The following GRIK4 variants were observed in gnomAD, a reference collection of about 807,000 sequenced individuals.
The protein encoded by GRIK4 is glutamate ionotropic receptor kainate type subunit 4, also known as glutamate receptor ionotropic, kainate 4.
A neutral mutation model predicts 104.9 loss-of-function variants in GRIK4; 40 were observed. That is an observed-to-expected ratio of 0.38 (90% confidence interval 0.30 to 0.50). The LOEUF (loss-of-function observed/expected upper bound fraction) is 0.50, where lower values mean the gene tolerates loss of function less well. Ranked by LOEUF, GRIK4 falls within the 20% of genes least tolerant of loss-of-function variation. GRIK4 has a pLI of 0.93. For synonymous variants in GRIK4, 485 were observed against 524.9 expected (o/e 0.92, Z 1.04); for missense variants, 1,047 against 1,308.1 (o/e 0.80, Z 3.08).
At position 120,960,237 on chromosome 11, in the gene GRIK4, G is replaced by A. The variant is rs1053037088; in HGVS notation, c.1875-672G>A. ...TCAGCTACTCAGGAGGCCGAGGCAG[G>A]AGAATCACTTGAATCCACGAGGTGG... On this transcript the variant is annotated intron_variant, in intron 16 of 20. Coordinates refer to ENST00000527524, the MANE Select transcript of GRIK4 (RefSeq NM_014619.5). Among the ~76,000 whole-genome samples the A allele has an allele frequency of 4.6e-5, 7 of 152,170 alleles. 1 individual carries two copies. Among genetic ancestry groups the A allele is most frequent in the Admixed American group, 2.0e-4 (3 of 15,284 alleles).
intron 3 of GRIK4, among the ~76,000 whole-genome samples, chr11:120,678,532 T>G (rs1950137787): frequency 1.3e-5 from 2 of 152,278 alleles, no homozygotes; most frequent in South Asian, 4.1e-4. Context: ...GTGCTTCTCT[T>G]TCAGGAAAGC....
chr11:120,845,016 T>C (rs1203040478), intron 8 of GRIK4, among the ~76,000 whole-genome samples: 3 of 152,150 alleles, frequency 2.0e-5, no homozygotes, highest in African/African-American at 7.2e-5. Flanking sequence ...GATCATGTGG[T>C]GTCTTCAGGC....
intron 3 of GRIK4, among the ~76,000 whole-genome samples, chr11:120,782,094 C>T (rs1452549768): frequency 6.6e-6 from 1 of 152,100 alleles, no homozygotes; most frequent in East Asian, 1.9e-4. Context: ...TTCTCTCATA[C>T]TTCCTTATTT....
chr11:120,606,131 A>G (rs1412314478), intron 1 of GRIK4, among the ~76,000 whole-genome samples: 1 of 152,138 alleles, frequency 6.6e-6, no homozygotes, highest in East Asian at 1.9e-4. Context: ...AAAATATTAA[A>G]TACGTCCATT....
At position 120,940,574 on chromosome 11, in the gene GRIK4, T is replaced by C; in HGVS notation, c.1590+114T>C. 1 of 669,294 alleles carries C rather than the reference T, an allele frequency of 1.5e-6. No homozygotes were observed. The highest frequency in any genetic ancestry group is 2.5e-6 in the Non-Finnish European group (1 of 392,206). The allele number at this position is 669,294 out of a possible 1,614,324, so 41.5% of individuals were successfully genotyped here. ...AAATATTTAGATTTCAAGACTTAAA[T>C]GCAAATGTGCTGGGCTATTTTTTCT... On this transcript the variant is annotated intron_variant, in intron 14 of 20. Coordinates refer to ENST00000527524, the MANE Select transcript of GRIK4 (RefSeq NM_014619.5). This position sits in a 1 kb window ranked among gnomAD's most constrained non-coding sequence, Gnocchi z 4.3.
rs186104347 is a variant in GRIK4 at position 120,698,168 on chromosome 11, C to T, written c.82+37768C>T. ...AAGATGAAACCTAAAGAGAGTATAA[C>T]GTTTCTACATACATGATTTTTAAAA... On this transcript the variant is annotated intron_variant, in intron 3 of 20. Transcript: ENST00000527524. Among the ~76,000 whole-genome samples the T allele has an allele frequency of 2.1e-3, 318 of 152,206 alleles. 4 individuals carry two copies. Among genetic ancestry groups the T allele is most frequent in the Non-Finnish European group, 2.7e-3 (181 of 68,016 alleles).
intron 1 of GRIK4, among the ~76,000 whole-genome samples, chr11:120,566,192 G>A (rs1948320371): frequency 6.6e-6 from 1 of 152,172 alleles, no homozygotes; most frequent in African/African-American, 2.4e-5. Flanking sequence ...TGTAGAGGCC[G>A]TTTAGTGAAC....
At chr11:120,666,079 ATTGGTG>A (rs1316253118) in intron 3 of GRIK4, among the ~76,000 whole-genome samples, 3 of 152,196 alleles carry the variant, frequency 2.0e-5, no homozygotes, top group African/African-American at 7.2e-5. Context: ...GGTGAAAGGA[ATTGGTG>A]AATGCCCTTT....
intron 19 of GRIK4, among the ~76,000 whole-genome samples, chr11:120,968,720 G>A (rs750892369): frequency 2.0e-5 from 3 of 152,204 alleles, no homozygotes; most frequent in Non-Finnish European, 2.9e-5. Flanking sequence ...CAGTGGACAC[G>A]AATGGACACA....
chr11:120,660,782 G>A (rs779433404), intron 3 of GRIK4, among the ~76,000 whole-genome samples: 18 of 152,174 alleles, frequency 1.2e-4, no homozygotes, highest in Admixed American at 3.3e-4. Context: ...AGTCCAAGAA[G>A]GCTTCCTGGA....
intron 1 of GRIK4, among the ~76,000 whole-genome samples, chr11:120,637,949 G>A (rs773861279): frequency 2.8e-4 from 42 of 152,022 alleles, no homozygotes; most frequent in African/African-American, 4.6e-4. Flanking sequence ...GCGTGATCTC[G>A]GCTCACTAAA....
intron 3 of GRIK4, among the ~76,000 whole-genome samples, chr11:120,789,436 T>C (rs1565353315): frequency 6.6e-6 from 1 of 152,102 alleles, no homozygotes. Context: ...CACTAGAATC[T>C]GCCTCTTCTC....
intron 3 of GRIK4, among the ~76,000 whole-genome samples, chr11:120,772,007 A>G (rs1308458752): frequency 6.6e-6 from 1 of 152,182 alleles, no homozygotes; most frequent in Non-Finnish European, 1.5e-5. Context: ...TGTGACTTCA[A>G]CCTCTGAGGG....
intron 1 of GRIK4, among the ~76,000 whole-genome samples, chr11:120,586,858 C>T (rs1190042884): frequency 6.6e-6 from 1 of 152,142 alleles, no homozygotes. Context: ...GCCCTGCAGT[C>T]GCGCTGCCCC....
intron 4 of GRIK4, among the ~76,000 whole-genome samples, chr11:120,812,571 C>T (rs1335232825): frequency 6.6e-6 from 1 of 152,214 alleles, no homozygotes; most frequent in Non-Finnish European, 1.5e-5. Flanking sequence ...TTAATTCTCA[C>T]AGCAACCTTA....
chr11:120,513,560 C>T lies in GRIK4; in HGVS notation c.-159+1673C>T, dbSNP rs1485865593. On this transcript the variant is annotated intron_variant, in intron 1 of 20. Coordinates refer to ENST00000527524, the MANE Select transcript of GRIK4 (RefSeq NM_014619.5). This position sits in a 1 kb window ranked among gnomAD's most constrained non-coding sequence, Gnocchi z 4.5. ...CAGGTTTATTATTTTTCTCACTGGC[C>T]AGATGTGTTCCTCAAGGTCACGACC... Among the ~76,000 whole-genome samples, 1 of 152,216 alleles carries T rather than the reference C, an allele frequency of 6.6e-6. No individual in the cohort carries two copies. The highest frequency in any genetic ancestry group is 1.5e-5 in the Non-Finnish European group (1 of 68,042).
chr11:120,620,809 C>T (rs1294839262), intron 1 of GRIK4, among the ~76,000 whole-genome samples: 1 of 152,218 alleles, frequency 6.6e-6, no homozygotes, highest in African/African-American at 2.4e-5. Flanking sequence ...CTATCAGACA[C>T]TACTTATTGG....
Position 120,961,072 on chromosome 11 carries a change from C to T in GRIK4, c.2038C>T (p.Gln680Ter). ...IHGGSSMTFF[Q>*]NSRYQTYQRM... Reference sequence around the variant, plus strand: ...CGGAGGCTCCAGCATGACCTTCTTCCAAGTAAACCCCATTTGGTTGCTCAC... The same window carrying T: ...CGGAGGCTCCAGCATGACCTTCTTCTAAGTAAACCCCATTTGGTTGCTCAC... Residue 680 changes from glutamine (Q) to a stop codon, truncating the protein, a stop_gained and splice_region_variant, in exon 17 of 21, where the codon CAA (glutamine) becomes TAA (stop). Coordinates refer to ENST00000527524, the MANE Select transcript of GRIK4 (RefSeq NM_014619.5). LOFTEE classifies it high-confidence loss of function. 6.2e-7 allele frequency: 1 copy of T among 1,613,676 alleles called. No individual in the cohort carries two copies. Among genetic ancestry groups the T allele is most frequent in the Non-Finnish European group, 8.5e-7 (1 of 1,179,720 alleles).
Position 120,953,419 on chromosome 11 carries a change from T to TG in GRIK4, c.1700+460dup, listed in dbSNP as rs1225242920. Among the ~76,000 whole-genome samples, 1 of 152,110 alleles carries TG rather than the reference T, an allele frequency of 6.6e-6. No individual in the cohort carries two copies. Among genetic ancestry groups the TG allele is most frequent in the Non-Finnish European group, 1.5e-5 (1 of 68,020 alleles). On this transcript the variant is annotated intron_variant, in intron 15 of 20. Transcript: ENST00000527524. The surrounding 1 kb of genome is among the most constrained non-coding windows in gnomAD (Gnocchi z 4.9). ...AGGAACAGAGCCTGCAAATCTGGACTGGGGGCACTGGGGGCTGCAGTGGAG... is the reference window on the plus strand; with the variant it reads ...AGGAACAGAGCCTGCAAATCTGGACTGGGGGGCACTGGGGGCTGCAGTGGAG...
Sources: gnomAD v4.1 joint callset for allele counts (sites outside exome capture counted in the v4.1 genomes callset) on GRCh38, gnomAD v4.1.1 for gene constraint, Gnocchi (gnomAD v3.1) non-coding constraint, MANE v1.5 for transcripts, NCBI Gene and HGNC (gene_info 2026-07-23, HGNC 2026-07-21) for gene names.